The following PCDHGB1 variants were observed in gnomAD, a reference collection of about 807,000 sequenced individuals.
PCDHGB1 encodes the protein protocadherin gamma subfamily B, 1, also known as protocadherin gamma-B1.
A neutral mutation model predicts 56.6 loss-of-function variants in PCDHGB1; 34 were observed. That is an observed-to-expected ratio of 0.60 (90% confidence interval 0.46 to 0.80). The LOEUF (loss-of-function observed/expected upper bound fraction) is 0.80, where lower values mean the gene tolerates loss of function less well. Among genes scored for constraint, PCDHGB1 ranks in the 30% least tolerant of loss-of-function variants. The probability of loss-of-function intolerance (pLI) is 0.00; values close to 1 mark genes in which losing one functional copy is unlikely to be tolerated. For missense variants in PCDHGB1, 1,278 were observed against 1,204.6 expected (o/e 1.06, Z -0.90); for synonymous variants, 561 against 505.9 (o/e 1.11, Z -1.46).
At chr5:141,356,451 AT>A in intron 1 of PCDHGB1, 1 of 1,613,212 alleles carries the variant, frequency 6.2e-7, no homozygotes, top group Non-Finnish European at 8.5e-7. Flanking sequence ...AAGTCTCAGA[AT>A]ATAACATCAC....
chr5:141,401,272 G>A (rs998700154), intron 1 of PCDHGB1, among the ~76,000 whole-genome samples: 1 of 152,172 alleles, frequency 6.6e-6, no homozygotes. Flanking sequence ...AACCTGGCAG[G>A]TGGAGGTTGC....
At chr5:141,408,455 C>A in intron 1 of PCDHGB1, 1 of 1,614,050 alleles carries the variant, frequency 6.2e-7, no homozygotes, top group South Asian at 1.1e-5. Flanking sequence ...CGGGGACTTA[C>A]TTGTGAAGAA....
chr5:141,495,870 CCT>C (rs1183994771), intron 2 of PCDHGB1, among the ~76,000 whole-genome samples: 2 of 152,100 alleles, frequency 1.3e-5, no homozygotes. Flanking sequence ...TTTCTGCTTT[CCT>C]CTCTGTTCTT....
chr5:141,418,832 G>A, intron 1 of PCDHGB1: 1 of 1,614,008 alleles, frequency 6.2e-7, no homozygotes, highest in Non-Finnish European at 8.5e-7. Flanking sequence ...AAAAGACCGA[G>A]GATCTCTCTC....
chr5:141,360,212 C>G (rs17097231), intron 1 of PCDHGB1: 158,148 of 1,612,832 alleles, frequency 0.098, 8,576 homozygotes, highest in African/African-American at 0.15. Flanking sequence ...TCTTTGTTCC[C>G]CGGGGCTCTC....
intron 1 of PCDHGB1, chr5:141,418,665 A>G: frequency 6.2e-7 from 1 of 1,614,070 alleles, no homozygotes; most frequent in Middle Eastern, 1.6e-4. Flanking sequence ...GCCACTGACC[A>G]GGACGAGGGC....
At chr5:141,481,718 C>T (rs942120251) in intron 1 of PCDHGB1, among the ~76,000 whole-genome samples, 6 of 152,082 alleles carry the variant, frequency 3.9e-5, no homozygotes, top group East Asian at 1.9e-4. Context: ...CTTTGGGAGG[C>T]GGAGGCGGGC....
chr5:141,383,749 A>C (rs771648323), intron 1 of PCDHGB1: 12 of 1,614,008 alleles, frequency 7.4e-6, no homozygotes, highest in Non-Finnish European at 1.0e-5. Context: ...TTTTCGGAAA[A>C]TAACTCCTAA....
chr5:141,415,044 G>T, intron 1 of PCDHGB1: 2 of 1,613,506 alleles, frequency 1.2e-6, no homozygotes, highest in East Asian at 2.2e-5. Flanking sequence ...TCTTCGCGGT[G>T]GGGGAGCACA....
chr5:141,419,426 G>A (rs753089031), intron 1 of PCDHGB1: 19 of 1,613,194 alleles, frequency 1.2e-5, no homozygotes, highest in Non-Finnish European at 1.5e-5. Context: ...CTTCGACCAC[G>A]AGCAGCTGCG....
chr5:141,355,585 A>G, intron 1 of PCDHGB1: 1 of 1,614,046 alleles, frequency 6.2e-7, no homozygotes, highest in Non-Finnish European at 8.5e-7. Flanking sequence ...TGTTAATGAT[A>G]ACCCACCCAG....
In PCDHGB1 at chr5:141,417,067, A is replaced by G. The variant is rs1008801110; in HGVS notation, c.2409+64398A>G. The stretch of plus-strand genomic sequence containing the variant: ...AAAAACTGCTCTTGACATTGTAGCT[A>G]TTGTGAGAAAATATTTTGATTATAA... On this transcript the variant is annotated intron_variant, in intron 1 of 3. Coordinates refer to ENST00000523390, the MANE Select transcript of PCDHGB1 (RefSeq NM_018922.3). 2.0e-5 allele frequency: 3 copies of G among 152,102 alleles called. No homozygotes were observed. The South Asian group carries it at 6.2e-4, about 31-fold the overall frequency. 9.4% of individuals were successfully genotyped at this position (152,102 alleles called of 1,614,324 possible).
rs1594951324 is a variant in PCDHGB1, at chr5:141,490,871, T to G, written c.2410-3936T>G. 6.2e-7 allele frequency: 1 copy of G among 1,613,918 alleles called. No individual in the cohort carries two copies. The highest frequency in any genetic ancestry group is 8.5e-7 in the Non-Finnish European group (1 of 1,179,944). On this transcript the variant is annotated intron_variant, in intron 1 of 3. Coordinates refer to ENST00000523390, the MANE Select transcript of PCDHGB1 (RefSeq NM_018922.3). This position sits in a 1 kb window ranked among gnomAD's most constrained non-coding sequence, Gnocchi z 5.4. ...GTTCGAGACTCCGGCTCTCCCCCAT[T>G]GCATGCCAACACATCTCTGCATGTG...
intron 1 of PCDHGB1, chr5:141,492,018 G>A: frequency 1.7e-6 from 1 of 585,594 alleles, no homozygotes; most frequent in Admixed American, 3.7e-5. Flanking sequence ...GGGTGTCGGG[G>A]GTCCCGGGAG....
chr5:141,395,158 A>G, intron 1 of PCDHGB1: 2 of 1,614,208 alleles, frequency 1.2e-6, no homozygotes, highest in Non-Finnish European at 1.7e-6. Context: ...CTCATCAGTC[A>G]GGAGGGCTGT....
intron 1 of PCDHGB1, chr5:141,399,769 G>A (rs369379702): frequency 2.6e-5 from 42 of 1,613,216 alleles, no homozygotes; most frequent in Non-Finnish European, 3.5e-5. Flanking sequence ...GCGCGTGTTG[G>A]TGGGCGACCG....
At chr5:141,501,901 C>T (rs1595767273) in intron 2 of PCDHGB1, among the ~76,000 whole-genome samples, 1 of 152,070 alleles carries the variant, frequency 6.6e-6, no homozygotes, top group Non-Finnish European at 1.5e-5. Context: ...TGGTTCCAAC[C>T]CCACTGTTCC....
chr5:141,385,482 A>G, intron 1 of PCDHGB1: 3 of 1,423,440 alleles, frequency 2.1e-6, no homozygotes, highest in South Asian at 1.6e-5. Context: ...TTTAATATAG[A>G]ACACATAGGA....
At chr5:141,494,250 G>C (rs908660385) in intron 1 of PCDHGB1, among the ~76,000 whole-genome samples, 3 of 152,182 alleles carry the variant, frequency 2.0e-5, no homozygotes, top group African/African-American at 7.2e-5. Flanking sequence ...TTTAGCTGTG[G>C]GAAGAGATTC....
Sources: gnomAD v4.1 joint callset for allele counts (sites outside exome capture counted in the v4.1 genomes callset) on GRCh38, gnomAD v4.1.1 for gene constraint, Gnocchi (gnomAD v3.1) non-coding constraint, MANE v1.5 for transcripts, NCBI Gene and HGNC (gene_info 2026-07-23, HGNC 2026-07-21) for gene names.